The following ANKHD1 variants were observed in gnomAD, a reference collection of about 807,000 sequenced individuals.
ANKHD1 encodes the protein ankyrin repeat and KH domain containing 1, also known as ankyrin repeat and KH domain-containing protein 1.
A neutral mutation model predicts 230.5 loss-of-function variants in ANKHD1; 31 were observed. The observed-to-expected ratio is 0.13, with a 90% CI of 0.10 to 0.18. The LOEUF (loss-of-function observed/expected upper bound fraction) is 0.18. Among genes scored for constraint, ANKHD1 ranks in the 10% least tolerant of loss-of-function variants. The pLI is 1.00. For missense variants in ANKHD1, 2,256 were observed against 3,071.3 expected, an observed-to-expected ratio of 0.73 and a Z score of 6.27; for synonymous variants, 1,074 against 1,117.6, an observed-to-expected ratio of 0.96 and a Z score of 0.78.
intron 24 of ANKHD1, among the ~76,000 whole-genome samples, chr5:140,515,402 T>C (rs1427620259): frequency 6.6e-6 from 1 of 152,186 alleles, no homozygotes; most frequent in East Asian, 1.9e-4. Flanking sequence ...AAGATCTGGG[T>C]TACAAATGGT....
chr5:140,438,322 C>T (rs1773603618), intron 2 of ANKHD1, 139 bp from the exon 3 acceptor site: 2 of 1,255,644 alleles, frequency 1.6e-6, no homozygotes, highest in Non-Finnish European at 1.0e-6. Context: ...TAAGCCTTAT[C>T]TTCTGTCAAC....
intron 1 of ANKHD1, among the ~76,000 whole-genome samples, chr5:140,414,599 AG>A (rs1771204060): frequency 6.6e-6 from 1 of 152,166 alleles, no homozygotes; most frequent in African/African-American, 2.4e-5. Flanking sequence ...TGGGAGGCTG[AG>A]GCAGAAAGAT....
chr5:140,479,323 T>G (rs1410316951), intron 10 of ANKHD1, among the ~76,000 whole-genome samples: 1 of 152,088 alleles, frequency 6.6e-6, no homozygotes, highest in Non-Finnish European at 1.5e-5. Flanking sequence ...TATATTATTC[T>G]AGCTGTTCTC....
intron 24 of ANKHD1, among the ~76,000 whole-genome samples, chr5:140,513,920 T>TA (rs1752871679): frequency 1.4e-5 from 2 of 147,210 alleles, no homozygotes; most frequent in Admixed American, 1.4e-4. Context: ...TTGGTCAACA[T>TA]AGAGAGGATG....
At chr5:140,528,092 G>A (rs7718630) in intron 28 of ANKHD1, 70 bp downstream of exon 28, 4 of 1,565,494 alleles carry the variant, frequency 2.6e-6, no homozygotes, top group Non-Finnish European at 2.6e-6. Context: ...GTCAGGTATG[G>A]TATAATTAAG....
chr5:140,406,313 T>G lies in ANKHD1; in HGVS notation c.306+4040T>G, dbSNP rs1770440523. On this transcript the variant is annotated intron_variant, in intron 1 of 33. Transcript: ENST00000360839. ...AAAGATGATGAATTGGTGTGTAGTT[T>G]GGGAGTGAAGTTTGTCTTGTTGCTC... is the stretch of plus-strand genomic sequence containing the variant. 2.0e-5 allele frequency among the ~76,000 whole-genome samples: 3 copies of G among 152,032 alleles called. No homozygotes were observed. In the South Asian group the frequency reaches 6.2e-4, roughly 31 times the overall value.
chr5:140,447,888 C>T (rs75683222), intron 6 of ANKHD1, among the ~76,000 whole-genome samples: 2,467 of 152,326 alleles, frequency 0.016, 73 homozygotes, highest in African/African-American at 0.056. Context: ...CTACCACTTA[C>T]ATCTCATTGG....
intron 1 of ANKHD1, among the ~76,000 whole-genome samples, chr5:140,431,949 TTCTC>T (rs1477298935): frequency 6.6e-6 from 1 of 152,182 alleles, no homozygotes; most frequent in Non-Finnish European, 1.5e-5. Context: ...TACTGGTTCT[TTCTC>T]TCTCTAATGG....
rs1185397303 is a variant in ANKHD1 at position 140,438,520 on chromosome 5, A to G, written c.520A>G (p.Arg174Gly). The G allele has an allele frequency of 6.2e-7, 1 of 1,613,310 alleles. No homozygotes were observed. The highest frequency in any genetic ancestry group is 1.7e-5 in the Admixed American group (1 of 59,922). ...TTTTGCAGATCCTGAGGTACTCCGG[A>G]GACTGACATCCTCAGTTAGTTGTGC... ...KAFADPEVLR[R>G]LTSSVSCALD... Residue 174 changes from arginine (R) to glycine (G), a missense_variant, in exon 3 of 34, where the codon AGA becomes GGA. Arg to Gly is a moderately radical substitution (Grantham distance 125). Around this residue, in one of 13 missense-constraint regions of ANKHD1, gnomAD observed 206 missense variants for 304.5 expected, o/e 0.68. Transcript: ENST00000360839.
chr5:140,495,338 C>T (rs972375422), intron 14 of ANKHD1, among the ~76,000 whole-genome samples: 5 of 151,594 alleles, frequency 3.3e-5, no homozygotes, highest in Non-Finnish European at 5.9e-5. Context: ...CTCCGCCTCC[C>T]GGGTTCACGC....
intron 10 of ANKHD1, among the ~76,000 whole-genome samples, chr5:140,473,911 A>G (rs1411127234): frequency 6.6e-6 from 1 of 152,198 alleles, no homozygotes; most frequent in Non-Finnish European, 1.5e-5. Flanking sequence ...TTACAGGTTC[A>G]GATTCCATAG....
intron 1 of ANKHD1, among the ~76,000 whole-genome samples, chr5:140,420,835 T>G (rs534133432): frequency 6.6e-6 from 1 of 152,356 alleles, no homozygotes; most frequent in African/African-American, 2.4e-5. Context: ...GGTTATATTC[T>G]TGTTCTCTTG....
intron 14 of ANKHD1, among the ~76,000 whole-genome samples, chr5:140,492,186 A>G (rs930385437): frequency 6.6e-6 from 1 of 152,202 alleles, no homozygotes; most frequent in Non-Finnish European, 1.5e-5. Flanking sequence ...TGGAAACTTT[A>G]CTGATAATAT....
In ANKHD1 at chr5:140,529,302, A is replaced by T. The variant is rs1753719220; in HGVS notation, c.6356A>T (p.Asp2119Val). 1 of 1,614,088 alleles carries T rather than the reference A, an allele frequency of 6.2e-7. No homozygotes were observed. The highest frequency in any genetic ancestry group is 1.1e-5 in the South Asian group (1 of 91,088). ...AGAATGGTTGCTGCTGATAATCAGG[A>T]CACCAGTAATTTACCTCAGTTAGCT... ...SPRMVAADNQ[D>V]TSNLPQLAVP... is the part of the protein sequence containing the mutation. The change falls in exon 29 of 34, where the codon GAC becomes GTC. Residue 2119 changes from aspartate to valine, a missense_variant. Physicochemically the swap from Asp to Val is radical, Grantham distance 152. Coordinates refer to ENST00000360839, the MANE Select transcript of ANKHD1 (RefSeq NM_017747.3).
intron 24 of ANKHD1, among the ~76,000 whole-genome samples, chr5:140,515,754 A>G (rs1156338177): frequency 1.3e-5 from 2 of 152,200 alleles, no homozygotes; most frequent in Non-Finnish European, 1.5e-5. Context: ...TAGAAGGAAA[A>G]CTAACAAACA....
chr5:140,458,889 A>G, intron 8 of ANKHD1, 27 bp downstream of exon 8: 1 of 1,564,634 alleles, frequency 6.4e-7, no homozygotes, highest in Non-Finnish European at 8.7e-7. Flanking sequence ...TCTTTTAGAA[A>G]AATCAGTTTT....
Position 140,445,146 on chromosome 5 carries a change from C to T in ANKHD1, c.914-596C>T, listed in dbSNP as rs114329086. Among the ~76,000 whole-genome samples, 766 of 152,120 alleles carry T rather than the reference C, an allele frequency of 5.0e-3. 2 individuals are homozygous for T. Among genetic ancestry groups the T allele is most frequent in the Non-Finnish European group, 8.7e-3 (591 of 68,006 alleles). ...AAGTGCTGGGATTACAGGTGTGAGC[C>T]ATCGCACCTGGCCAGAAAATCTCTT... On this transcript the variant is annotated intron_variant, in intron 5 of 33. Coordinates refer to ENST00000360839, the MANE Select transcript of ANKHD1 (RefSeq NM_017747.3).
At chr5:140,414,459 G>A (rs1364178036) in intron 1 of ANKHD1, among the ~76,000 whole-genome samples, 2 of 152,128 alleles carry the variant, frequency 1.3e-5, no homozygotes, top group East Asian at 1.9e-4. Context: ...GTAGTGTTAA[G>A]CATCTTTTCA....
intron 15 of ANKHD1, among the ~76,000 whole-genome samples, chr5:140,504,252 A>T (rs1484141729): frequency 6.6e-6 from 1 of 152,094 alleles, no homozygotes; most frequent in Non-Finnish European, 1.5e-5. Flanking sequence ...GGGTTTCACC[A>T]TGTTGGCCAG....
Sources: gnomAD v4.1 joint callset for allele counts (sites outside exome capture counted in the v4.1 genomes callset) on GRCh38, gnomAD v4.1.1 for gene constraint, gnomAD v4.1.1 regional missense constraint, MANE v1.5 for transcripts, NCBI Gene and HGNC (gene_info 2026-07-23, HGNC 2026-07-21) for gene names.